The following MGA variants were observed in gnomAD, a reference collection of about 807,000 sequenced individuals.
MGA encodes MAX gene-associated protein.
A neutral mutation model predicts 261.1 loss-of-function variants in MGA; 40 were observed. The observed-to-expected ratio is 0.15, with a 90% confidence interval of 0.12 to 0.20. The LOEUF (loss-of-function observed/expected upper bound fraction) is 0.20, where lower values mean the gene tolerates loss of function less well. Among genes scored for constraint, MGA ranks in the 10% least tolerant of loss-of-function variants. The probability of loss-of-function intolerance (pLI) is 1.00; values close to 1 mark genes in which losing one functional copy is unlikely to be tolerated. For synonymous variants in MGA, 1,302 were observed against 1,290.6 expected, an observed-to-expected ratio of 1.01 and a Z score of -0.19; for missense variants, 3,397 against 3,630.5, an observed-to-expected ratio of 0.94 and a Z score of 1.65.
intron 9 of MGA, among the ~76,000 whole-genome samples, chr15:41,720,933 T>C (rs946713085): frequency 2.0e-5 from 3 of 152,204 alleles, no homozygotes; most frequent in African/African-American, 7.2e-5. Flanking sequence ...TTTCACCAAA[T>C]GGTGATAGGA....
chr15:41,738,807 A>G (rs141313279), intron 13 of MGA, among the ~76,000 whole-genome samples: 93 of 152,338 alleles, frequency 6.1e-4, no homozygotes, highest in Middle Eastern at 3.4e-3. Flanking sequence ...AGTAAAGTCT[A>G]CTTTCAGGGG....
intron 5 of MGA, among the ~76,000 whole-genome samples, chr15:41,703,379 C>CCA (rs1555419047): frequency 5.0e-5 from 7 of 140,374 alleles, no homozygotes; most frequent in African/African-American, 1.3e-4. Flanking sequence ...CCCCCCCCCC[C>CCA]ACTCCCCACC....
chr15:41,692,331 C>G (rs2059332488), intron 2 of MGA, among the ~76,000 whole-genome samples: 1 of 152,200 alleles, frequency 6.6e-6, no homozygotes, highest in Non-Finnish European at 1.5e-5. Flanking sequence ...CAGAAGTCCT[C>G]TGGAGGGGGT....
In MGA at chr15:41,767,528, G is replaced by A; in HGVS notation, c.*248G>A. 1 of 509,268 alleles carries A rather than the reference G, an allele frequency of 2.0e-6. No individual in the cohort carries two copies. Among genetic ancestry groups the A allele is most frequent in the Non-Finnish European group, 3.5e-6 (1 of 286,668 alleles). 31.5% of individuals were successfully genotyped at this position (509,268 alleles called of 1,614,324 possible). A position where few individuals can be genotyped will look rare whatever the true frequency, so the allele number is the denominator to read the frequency against. On this transcript the variant is annotated 3_prime_UTR_variant, in exon 24 of 24. Coordinates refer to ENST00000219905, the MANE Select transcript of MGA (RefSeq NM_001164273.2). ...CCCCTCATCCTCTCTAAGAAGATGT[G>A]ATCCATTACTGAACATGAGGTGCCC...
chr15:41,699,937 T>C (rs992596425), intron 5 of MGA, among the ~76,000 whole-genome samples: 1 of 152,084 alleles, frequency 6.6e-6, no homozygotes, highest in Non-Finnish European at 1.5e-5. Context: ...TCTTTTTTTT[T>C]TAAAATTTTA....
At chr15:41,685,002 G>A (rs1346911361) in intron 2 of MGA, among the ~76,000 whole-genome samples, 1 of 152,140 alleles carries the variant, frequency 6.6e-6, no homozygotes, top group African/African-American at 2.4e-5. Context: ...TTTATATTAT[G>A]TAACTTATAC....
chr15:41,721,554 C>T (rs1255501044), intron 9 of MGA, among the ~76,000 whole-genome samples: 1 of 152,116 alleles, frequency 6.6e-6, no homozygotes, highest in African/African-American at 2.4e-5. Flanking sequence ...AATAAACACT[C>T]CTGTAGAAAA....
In MGA at chr15:41,750,149, C is replaced by T. The variant is rs1365506406; in HGVS notation, c.6542C>T (p.Pro2181Leu). The T allele has an allele frequency of 1.2e-5, 19 of 1,613,746 alleles. No homozygotes were observed. In the East Asian group the frequency reaches 3.3e-4, roughly 28 times the overall value. Residue 2181 changes from proline (P) to leucine (L), a missense_variant, in exon 17 of 24, where the codon CCC (proline) becomes CTC (leucine). Coordinates refer to ENST00000219905, the MANE Select transcript of MGA (RefSeq NM_001164273.2). The stretch of plus-strand genomic sequence containing the variant: ...AGATGGAGAAAACATCTGAAGGGCC[C>T]CTTAACCAGGAAATGTGTTGGAGCT...
intron 2 of MGA, among the ~76,000 whole-genome samples, chr15:41,678,508 G>A (rs1028044153): frequency 6.6e-6 from 1 of 150,826 alleles, no homozygotes; most frequent in Non-Finnish European, 1.5e-5. Context: ...GCTCATGCCT[G>A]TAATCCCAGC....
At chr15:41,627,244 G>A (rs531076468) in intron 1 of MGA, among the ~76,000 whole-genome samples, 5 of 152,198 alleles carry the variant, frequency 3.3e-5, no homozygotes, top group African/African-American at 9.6e-5. Context: ...TATTATTAAC[G>A]AAAGTCCATA....
chr15:41,723,519 G>A (rs542910502), intron 9 of MGA, among the ~76,000 whole-genome samples: 3 of 152,124 alleles, frequency 2.0e-5, no homozygotes, highest in Non-Finnish European at 4.4e-5. Context: ...TGGCTCAAGC[G>A]GTCCTTCCGT....
At position 41,699,094 on chromosome 15, in the gene MGA, A is replaced by C. The variant is rs759586620; in HGVS notation, c.2123A>C (p.Lys708Thr). ...AGAGCAAGAATTTCCCAGTTGGAAAAGGAATTGATAGAAGATTTGAAGACT... is the reference window on the plus strand; with the variant it reads ...AGAGCAAGAATTTCCCAGTTGGAAACGGAATTGATAGAAGATTTGAAGACT... The change falls in exon 5 of 24, where the codon AAG (lysine) becomes ACG (threonine). Residue 708 changes from lysine to threonine, a missense_variant. Physicochemically the swap from Lys to Thr is moderately conservative, Grantham distance 78. Transcript: ENST00000219905. 1 of 1,612,410 alleles carries C rather than the reference A, an allele frequency of 6.2e-7. No homozygotes were observed. Among genetic ancestry groups the C allele is most frequent in the South Asian group, 1.1e-5 (1 of 90,600 alleles).
At chr15:41,694,436 A>G (rs1201254131) in intron 2 of MGA, among the ~76,000 whole-genome samples, 1 of 152,008 alleles carries the variant, frequency 6.6e-6, no homozygotes, top group Non-Finnish European at 1.5e-5. Context: ...AAAATATTTT[A>G]GTTGTGTAAA....
In MGA at chr15:41,769,845, A is replaced by G. The variant is rs916981637; in HGVS notation, c.*2565A>G. On this transcript the variant is annotated 3_prime_UTR_variant, in exon 24 of 24. Transcript: ENST00000219905. The stretch of plus-strand genomic sequence containing the variant: ...ATATCTTTCCTTTTCTGCTTTCGAA[A>G]AGTGACTATTTTTTTAGAAATCTAA... 1.3e-5 allele frequency: 2 copies of G among 152,612 alleles called. No individual in the cohort carries two copies. Among genetic ancestry groups the G allele is most frequent in the Admixed American group, 1.3e-4 (2 of 15,286 alleles). 9.5% of individuals were successfully genotyped at this position (152,612 alleles called of 1,614,324 possible). A position where few individuals can be genotyped will look rare whatever the true frequency, so the allele number is the denominator to read the frequency against.
chr15:41,636,626 A>G (rs763585970), intron 1 of MGA, among the ~76,000 whole-genome samples: 1 of 151,908 alleles, frequency 6.6e-6, no homozygotes, highest in Non-Finnish European at 1.5e-5. Context: ...TGTTAGCCAC[A>G]GTGGTCTTGA....
At chr15:41,708,060 G>C (rs1351449522) in intron 6 of MGA, 44 bp from the exon 7 acceptor site, 1 of 1,483,504 alleles carries the variant, frequency 6.7e-7, no homozygotes. Context: ...CATAATATTG[G>C]CCTGCTAGAA....
chr15:41,710,624 T>A, intron 7 of MGA, 67 bp from the exon 8 acceptor site: 7 of 1,417,798 alleles, frequency 4.9e-6, no homozygotes, highest in Non-Finnish European at 4.7e-6. Context: ...CCATTTTTAG[T>A]GTTTTTATGG....
intron 17 of MGA, among the ~76,000 whole-genome samples, chr15:41,753,550 A>T (rs1197248961): frequency 6.6e-6 from 1 of 152,138 alleles, no homozygotes; most frequent in Non-Finnish European, 1.5e-5. Flanking sequence ...CTTTTTTGGT[A>T]TAATAAGGAA....
chr15:41,622,031 G>A (rs2056307271), intron 1 of MGA, among the ~76,000 whole-genome samples: 1 of 151,922 alleles, frequency 6.6e-6, no homozygotes, highest in South Asian at 2.1e-4. Flanking sequence ...CTGCTGGCGC[G>A]GGGTAGGGGG....
Sources: allele counts gnomAD v4.1 joint callset (sites outside exome capture counted in the v4.1 genomes callset), GRCh38; gene constraint gnomAD v4.1.1; transcripts MANE v1.5; gene names NCBI Gene and HGNC (gene_info 2026-07-23, HGNC 2026-07-21).